KLHL13: variants seen among roughly 807,000 people sequenced by gnomAD.
KLHL13 encodes kelch-like protein 13.
In KLHL13, 10 loss-of-function variants were observed where a neutral mutation model predicts 37.1. That is an observed-to-expected ratio of 0.27 (90% CI 0.17 to 0.46). The LOEUF is 0.46. Among genes scored for constraint, KLHL13 ranks in the 20% least tolerant of loss-of-function variants. The pLI is 1.00. For missense variants in KLHL13, 360 were observed against 509.3 expected, an observed-to-expected ratio of 0.71 and a Z score of 2.82; for synonymous variants, 163 against 181.2, an observed-to-expected ratio of 0.90 and a Z score of 0.81.
intron 1 of KLHL13, among the ~76,000 whole-genome samples, chrX:118,085,647 C>T (rs750397810): frequency 6.4e-4 from 71 of 110,463 alleles, no homozygotes; most frequent in African/African-American, 2.2e-3. Flanking sequence ...TTTGAATACC[C>T]CTAGCTTAGC....
intron 1 of KLHL13, among the ~76,000 whole-genome samples, chrX:118,032,359 C>G (rs6646038): frequency 0.15 from 17,251 of 111,428 alleles, 1,812 homozygotes; most frequent in African/African-American, 0.37. Flanking sequence ...GCTTTGAAGA[C>G]AACAGTGGTT....
intron 1 of KLHL13, among the ~76,000 whole-genome samples, chrX:118,073,463 G>A (rs1386508431): frequency 9.0e-6 from 1 of 111,097 alleles, no homozygotes; most frequent in Non-Finnish European, 1.9e-5. Context: ...CCCACAACAC[G>A]TGGAATTTAA....
At chrX:118,024,729 AAT>A (rs2054256208) in intron 1 of KLHL13, among the ~76,000 whole-genome samples, 2 of 112,128 alleles carry the variant, frequency 1.8e-5, no homozygotes, top group Non-Finnish European at 3.8e-5. Flanking sequence ...AGAAGCTAAC[AAT>A]ATCAAGTGTT....
intron 2 of KLHL13, among the ~76,000 whole-genome samples, chrX:117,939,698 G>A (rs1346026338): frequency 9.2e-6 from 1 of 108,133 alleles, no homozygotes; most frequent in African/African-American, 3.5e-5. Context: ...CAGTAATCAT[G>A]AGCTTTTTTT....
chrX:118,096,515 T>C (rs1217578322), intron 1 of KLHL13, among the ~76,000 whole-genome samples: 1 of 111,658 alleles, frequency 9.0e-6, no homozygotes, highest in Non-Finnish European at 1.9e-5. Flanking sequence ...GAGGAGCTGG[T>C]ACCATTCCTT....
At chrX:118,110,133 T>C (rs1258610015) in intron 1 of KLHL13, among the ~76,000 whole-genome samples, 1 of 110,407 alleles carries the variant, frequency 9.1e-6, no homozygotes, top group African/African-American at 3.3e-5. Context: ...CTGAGGGGGG[T>C]TGTGTTAGGA....
At chrX:117,959,924 G>A (rs764540858) in intron 1 of KLHL13, among the ~76,000 whole-genome samples, 1 of 111,852 alleles carries the variant, frequency 8.9e-6, no homozygotes, top group Admixed American at 9.5e-5. Flanking sequence ...AGGGAGTGCA[G>A]TTAGGTACAG....
intron 5 of KLHL13, among the ~76,000 whole-genome samples, chrX:117,902,274 A>G (rs955461277): frequency 2.7e-5 from 3 of 111,696 alleles, no homozygotes; most frequent in African/African-American, 9.7e-5. Flanking sequence ...CTCTAAAAAC[A>G]TAGGAAGAAA....
At chrX:117,941,183 C>T (rs192714449) in intron 2 of KLHL13, among the ~76,000 whole-genome samples, 121 of 111,774 alleles carry the variant, frequency 1.1e-3, no homozygotes, top group Non-Finnish European at 2.0e-3. Context: ...AAGGCCTTTT[C>T]TGCATCTATT....
chrX:118,047,871 G>A (rs886147522), intron 1 of KLHL13, among the ~76,000 whole-genome samples: 7 of 111,924 alleles, frequency 6.3e-5, no homozygotes, highest in Admixed American at 9.5e-5. Flanking sequence ...CCGTGGGCTC[G>A]AAGGGAAACC....
chrX:118,084,056 A>G lies in KLHL13; in HGVS notation c.-56+32452T>C, dbSNP rs6646071. 8.8e-3 allele frequency among the ~76,000 whole-genome samples: 989 copies of G among 111,945 alleles called. 11 individuals are homozygous for G. Among genetic ancestry groups the G allele is most frequent in the African/African-American group, 0.028 (875 of 30,826 alleles). ...AAAATGTGGGTTGTTGTAGTGGCTC[A>G]TGCCTATAATCCCAACACTTTGGGA... On this transcript the variant is annotated intron_variant, in intron 1 of 6. Transcript: ENST00000371882.
chrX:117,945,517 C>A, exon 2 of KLHL13: 2 of 1,208,548 alleles, frequency 1.7e-6, no homozygotes, highest in Middle Eastern at 2.3e-4. Context: ...GATGAGAGGC[C>A]CATTTCGCTG....
intron 1 of KLHL13, among the ~76,000 whole-genome samples, chrX:118,098,937 A>AG (rs1230466043): frequency 3.3e-5 from 1 of 30,213 alleles, no homozygotes; most frequent in Non-Finnish European, 6.1e-5. Context: ...GGGTGGGGGA[A>AG]GGGGGGTGGG....
At position 117,971,292 on chromosome X, in the gene KLHL13, T is replaced by C. The variant is rs763801025; in HGVS notation, c.98+1439A>G. Among the ~76,000 whole-genome samples the C allele has an allele frequency of 1.9e-3, 214 of 111,621 alleles. 1 individual carries two copies. Among genetic ancestry groups the C allele is most frequent in the Non-Finnish European group, 3.2e-3 (171 of 53,050 alleles). On this transcript the variant is annotated intron_variant, in intron 1 of 6. Transcript: ENST00000262820. Reference sequence around the variant, plus strand: ...GTGAGGTTTTGTTTTGTTTTGTTTTTATAATAAAGTTGCTTTTGGTAAATC... The same window carrying C: ...GTGAGGTTTTGTTTTGTTTTGTTTTCATAATAAAGTTGCTTTTGGTAAATC...
chrX:118,033,622 G>A (rs1403857208), intron 1 of KLHL13, among the ~76,000 whole-genome samples: 1 of 109,715 alleles, frequency 9.1e-6, no homozygotes, highest in African/African-American at 3.3e-5. Context: ...ACCGGTACCA[G>A]CTGCTGCAAA....
At chrX:117,913,681 A>G (rs1931140678) in intron 4 of KLHL13, among the ~76,000 whole-genome samples, 1 of 110,762 alleles carries the variant, frequency 9.0e-6, no homozygotes, top group Non-Finnish European at 1.9e-5. Flanking sequence ...CATCTCTACT[A>G]AAAATACAAA....
At chrX:118,043,432 A>C (rs2148059611) in intron 1 of KLHL13, among the ~76,000 whole-genome samples, 1 of 111,867 alleles carries the variant, frequency 8.9e-6, no homozygotes, top group South Asian at 3.8e-4. Context: ...AAGACACATC[A>C]CAGAAAGAAA....
chrX:118,053,824 GGAGAGAGAGAGAGAGAGAGAGAGAGGA>G (rs2054649117), intron 1 of KLHL13, among the ~76,000 whole-genome samples: 11 of 52,684 alleles, frequency 2.1e-4, no homozygotes, highest in Admixed American at 2.7e-4. Flanking sequence ...AGAGAGGAGA[GGAGAGAGAGAGAGAGAGAGAGAGAGGA>G]GAGAGAGAGA....
chrX:117,994,543 C>T (rs941144817), intron 1 of KLHL13, among the ~76,000 whole-genome samples: 2 of 111,827 alleles, frequency 1.8e-5, no homozygotes, highest in African/African-American at 3.3e-5. Context: ...TGAGCCACTA[C>T]ACCCAGAAGC....
Sources: allele counts gnomAD v4.1 joint callset (sites outside exome capture counted in the v4.1 genomes callset), GRCh38; gene constraint gnomAD v4.1.1; transcripts MANE v1.5; gene names NCBI Gene and HGNC (gene_info 2026-07-23, HGNC 2026-07-21).